DICER1: variants seen among roughly 807,000 people sequenced by gnomAD.
DICER1 encodes the protein endoribonuclease Dicer.
Under a neutral mutation model 194.1 loss-of-function variants are expected in DICER1, and 43 were observed. The ratio of observed to expected loss-of-function variants is 0.22; its 90% confidence interval spans 0.17 to 0.29. The LOEUF is 0.29. Ranked by LOEUF, DICER1 falls within the 10% of genes least tolerant of loss-of-function variation. The probability of loss-of-function intolerance (pLI) is 1.00; values close to 1 mark genes in which losing one functional copy is unlikely to be tolerated. For synonymous variants in DICER1, 832 were observed against 820.5 expected (o/e 1.01, Z -0.24); for missense variants, 1,608 against 2,317.0 (o/e 0.69, Z 6.28).
At chr14:95,114,685 A>G (rs1462124656) in intron 11 of DICER1, among the ~76,000 whole-genome samples, 1 of 152,216 alleles carries the variant, frequency 6.6e-6, no homozygotes, top group African/African-American at 2.4e-5. Context: ...GGAACTTTAC[A>G]GTAGAGAAAA....
intron 1 of DICER1, among the ~76,000 whole-genome samples, chr14:95,155,833 G>A (rs1370906887): frequency 6.6e-6 from 1 of 152,110 alleles, no homozygotes; most frequent in Admixed American, 6.5e-5. Flanking sequence ...TATCTATTGA[G>A]TTTTATGGAA....
intron 4 of DICER1, among the ~76,000 whole-genome samples, chr14:95,130,596 C>G (rs544375812): frequency 6.6e-6 from 1 of 152,124 alleles, no homozygotes; most frequent in Non-Finnish European, 1.5e-5. Context: ...ATTTTTGTAG[C>G]CTATCATTAT....
intron 8 of DICER1, among the ~76,000 whole-genome samples, chr14:95,118,274 C>A (rs1892658936): frequency 6.6e-6 from 1 of 152,172 alleles, no homozygotes; most frequent in Non-Finnish European, 1.5e-5. Context: ...AAACCTTCAC[C>A]CCCAACAAAT....
chr14:95,140,027 A>C (rs1453877398), intron 1 of DICER1, among the ~76,000 whole-genome samples: 1 of 152,218 alleles, frequency 6.6e-6, no homozygotes. Context: ...CAGATTTTTT[A>C]AACTTGGCCT....
intron 1 of DICER1, among the ~76,000 whole-genome samples, chr14:95,145,592 A>G (rs1895078808): frequency 6.6e-6 from 1 of 152,158 alleles, no homozygotes; most frequent in Non-Finnish European, 1.5e-5. Context: ...TAAAACAAGT[A>G]TTTCAAGGAT....
At chr14:95,131,732 T>C in intron 3 of DICER1, 93 bp from the exon 4 acceptor site, 1 of 1,126,260 alleles carries the variant, frequency 8.9e-7, no homozygotes, top group Non-Finnish European at 1.3e-6. Context: ...CAGAAATCCT[T>C]ATTATTATAT....
In DICER1 at chr14:95,093,994, T is replaced by A. The variant is rs2139812331; in HGVS notation, c.5258A>T (p.Asp1753Val). ...TIFASLAVKY[D>V]YHKYFKAVSP... Reference sequence around the variant, plus strand: ...GACAGCTTTGAAGTACTTGTGGTAGTCGTACTTTACAGCCAGCGATGCAAA... The same window carrying A: ...GACAGCTTTGAAGTACTTGTGGTAGACGTACTTTACAGCCAGCGATGCAAA... Residue 1753 changes from aspartate to valine, a missense_variant, in exon 24 of 27, where the codon GAC becomes GTC. Physicochemically the swap from Asp to Val is radical, Grantham distance 152. Transcript: ENST00000343455. The A allele has an allele frequency of 6.2e-7, 1 of 1,614,102 alleles. No individual in the cohort carries two copies. Among genetic ancestry groups the A allele is most frequent in the East Asian group, 2.2e-5 (1 of 44,856 alleles).
intron 13 of DICER1, 59 bp from the exon 14 acceptor site, chr14:95,111,515 G>C: frequency 2.6e-6 from 4 of 1,564,790 alleles, no homozygotes; most frequent in Non-Finnish European, 3.5e-6. Flanking sequence ...AATTAGTAAA[G>C]AATTTAGAAC....
chr14:95,101,962 G>A (rs1197698083), intron 21 of DICER1, among the ~76,000 whole-genome samples: 3 of 152,146 alleles, frequency 2.0e-5, no homozygotes, highest in Admixed American at 2.0e-4. Context: ...CCCAAGCTCT[G>A]CCACTTACTT....
chr14:95,111,109 C>T (rs1891913142), intron 14 of DICER1, among the ~76,000 whole-genome samples: 1 of 152,064 alleles, frequency 6.6e-6, no homozygotes, highest in Non-Finnish European at 1.5e-5. Context: ...ACAAAAGCAA[C>T]CTCTGAAGTG....
At chr14:95,133,292 A>C (rs1230248966) in intron 2 of DICER1, 23 bp downstream of exon 2, 4 of 1,612,104 alleles carry the variant, frequency 2.5e-6, no homozygotes, top group Non-Finnish European at 3.4e-6. Context: ...AGAATGCTCC[A>C]GTATTAGTGT....
At chr14:95,094,220 A>G in intron 23 of DICER1, 64 bp from the exon 24 acceptor site, 1 of 1,571,472 alleles carries the variant, frequency 6.4e-7, no homozygotes. Flanking sequence ...CCCACATAGC[A>G]ACTGATCCCC....
chr14:95,132,772 C>G, intron 2 of DICER1, 95 bp from the exon 3 acceptor site: 4 of 1,245,342 alleles, frequency 3.2e-6, no homozygotes, highest in Non-Finnish European at 4.6e-6. Context: ...TTTCACTATT[C>G]TCTAAAATCG....
In DICER1 at chr14:95,116,525, A is replaced by G. The variant is rs1892487417; in HGVS notation, c.1680T>C (p.Tyr560=). ...KGRARAPISN[Y]IMLADTDKIK... is the part of the protein sequence containing the mutation. ...TTTTGTCTGTATCCGCTAACATTAT[A>G]TAATTAGAGATGGGTGCCCTTGCTC... The change falls in exon 10 of 27, where the codon TAT becomes TAC. Residue 560 remains tyrosine, a synonymous_variant. Coordinates refer to ENST00000343455, the MANE Select transcript of DICER1 (RefSeq NM_177438.3). The G allele has an allele frequency of 3.1e-6, 5 of 1,614,048 alleles. No individual in the cohort carries two copies. In the East Asian group the frequency reaches 8.9e-5, roughly 29 times the overall value.
chr14:95,093,360 A>T (rs537946699), intron 24 of DICER1, among the ~76,000 whole-genome samples: 2 of 152,260 alleles, frequency 1.3e-5, no homozygotes, highest in Non-Finnish European at 2.9e-5. Flanking sequence ...GTCACCAGAC[A>T]GCCTTTGGCT....
In DICER1 at chr14:95,115,952, A is replaced by G. The variant is rs138664913; in HGVS notation, c.1753-131T>C. 4.8e-3 allele frequency: 4,208 copies of G among 879,434 alleles called. 24 individuals are homozygous for G. The highest frequency in any genetic ancestry group is 0.02 in the Middle Eastern group (66 of 3,242). The allele number at this position is 879,434 out of a possible 1,614,324, so 54.5% of individuals were successfully genotyped here. A position where few individuals can be genotyped will look rare whatever the true frequency, so the allele number is the denominator to read the frequency against. On this transcript the variant is annotated intron_variant, in intron 10 of 26. Transcript: ENST00000343455. ...CTCCTAAACATACTTCAGTACTCCA[A>G]AGTAACCTGCTGCAGACACCTTCTT...
rs760627991 is a variant in DICER1 at position 95,129,494 on chromosome 14, T to C, written c.712A>G (p.Thr238Ala). The change falls in exon 6 of 27, where the codon ACT becomes GCT. Residue 238 changes from threonine to alanine, a missense_variant. Physicochemically the swap from Thr to Ala is moderately conservative, Grantham distance 58. Transcript: ENST00000343455. ...KILKSNAETA[T>A]DLVVLDRYTS... ...TACCTGTCTAAGACCACCAGGTCAGTTGCAGTTTCAGCATTACTCTTAAGA... is the reference window on the plus strand; with the variant it reads ...TACCTGTCTAAGACCACCAGGTCAGCTGCAGTTTCAGCATTACTCTTAAGA... 1.2e-6 allele frequency: 2 copies of C among 1,613,960 alleles called. No homozygotes were observed. Among genetic ancestry groups the C allele is most frequent in the Non-Finnish European group, 1.7e-6 (2 of 1,179,896 alleles).
intron 3 of DICER1, among the ~76,000 whole-genome samples, chr14:95,132,176 C>T (rs1894004079): frequency 6.6e-6 from 1 of 152,024 alleles, no homozygotes; most frequent in Non-Finnish European, 1.5e-5. Context: ...TAAGTACAAA[C>T]GTTAATTATC....
In DICER1 at chr14:95,090,016, C is replaced by A. The variant is rs1432777842; in HGVS notation, c.*482G>T. 1 of 283,500 alleles carries A rather than the reference C, an allele frequency of 3.5e-6. No homozygotes were observed. The allele number at this position is 283,500 out of a possible 1,614,324, so 17.6% of individuals were successfully genotyped here. ...AAGACAACATTGGCGCACTTCTCCT[C>A]TCGAAAACCTTATCTTTCTATTCAG... On this transcript the variant is annotated 3_prime_UTR_variant, in exon 27 of 27. Coordinates refer to ENST00000343455, the MANE Select transcript of DICER1 (RefSeq NM_177438.3).
Sources: allele counts gnomAD v4.1 joint callset (sites outside exome capture counted in the v4.1 genomes callset), GRCh38; gene constraint gnomAD v4.1.1; transcripts MANE v1.5; gene names NCBI Gene and HGNC (gene_info 2026-07-23, HGNC 2026-07-21).